TAF2: variants seen among roughly 807,000 people sequenced by gnomAD.
TAF2 encodes transcription initiation factor TFIID subunit 2.
In TAF2, 61 loss-of-function variants were observed where a neutral mutation model predicts 138.5. The observed-to-expected ratio is 0.44, with a 90% CI of 0.36 to 0.54. The LOEUF (loss-of-function observed/expected upper bound fraction) is 0.54. TAF2 is among the 20% of genes least tolerant of loss of function. The pLI is 0.00. For synonymous variants in TAF2, 475 were observed against 469.9 expected, an observed-to-expected ratio of 1.01 and a Z score of -0.14; for missense variants, 1,090 against 1,427.9, an observed-to-expected ratio of 0.76 and a Z score of 3.81.
intron 22 of TAF2, among the ~76,000 whole-genome samples, chr8:119,755,383 G>T (rs1820631857): frequency 6.6e-6 from 1 of 152,242 alleles, no homozygotes; most frequent in East Asian, 1.9e-4. Context: ...TGTAATCCCA[G>T]CTACTCGGGA....
intron 9 of TAF2, among the ~76,000 whole-genome samples, chr8:119,794,253 C>T (rs1823657369): frequency 6.6e-6 from 1 of 151,934 alleles, no homozygotes; most frequent in Admixed American, 6.6e-5. Context: ...AAAAATTAGC[C>T]GGGCGTGATG....
At chr8:119,771,001 G>A (rs887325244) in intron 18 of TAF2, among the ~76,000 whole-genome samples, 1 of 152,064 alleles carries the variant, frequency 6.6e-6, no homozygotes, top group Non-Finnish European at 1.5e-5. Flanking sequence ...AACCTGGGAG[G>A]TGGAGGTTGC....
In TAF2 at chr8:119,820,121, A is replaced by G. The variant is rs1431786734; in HGVS notation, c.139-615T>C. 5.9e-5 allele frequency among the ~76,000 whole-genome samples: 9 copies of G among 152,302 alleles called. No individual in the cohort carries two copies. In the South Asian group the frequency reaches 1.9e-3, roughly 32 times the overall value. Reference sequence around the variant, plus strand: ...CTACCATGTTAGCTGTATGGTAGCAATGTCTCTGTATCCAACACATGAAAA... The same window carrying G: ...CTACCATGTTAGCTGTATGGTAGCAGTGTCTCTGTATCCAACACATGAAAA... On this transcript the variant is annotated intron_variant, in intron 2 of 25. Coordinates refer to ENST00000378164, the MANE Select transcript of TAF2 (RefSeq NM_003184.4).
At chr8:119,807,679 C>T in intron 3 of TAF2, among the ~76,000 whole-genome samples, 1 of 152,216 alleles carries the variant, frequency 6.6e-6, no homozygotes, top group Non-Finnish European at 1.5e-5. Context: ...AATCCCAGCA[C>T]TTTGGGAGTC....
chr8:119,832,492 G>A lies in TAF2; in HGVS notation c.73C>T (p.Pro25Ser), dbSNP rs932501620. The A allele has an allele frequency of 6.2e-7, 1 of 1,613,558 alleles. No homozygotes were observed. Among genetic ancestry groups the A allele is most frequent in the Non-Finnish European group, 8.5e-7 (1 of 1,179,884 alleles). Residue 25 changes from proline (P) to serine (S), a missense_variant, in exon 1 of 26, where the codon CCA (proline) becomes TCA (serine). This residue lies in a region of TAF2 where 504 missense variants were observed against 680.9 expected (regional missense o/e 0.74). Transcript: ENST00000378164. ...KGDKGFESPR[P>S]YKLTHQVVCI... ...TGAAAAAATACTTATAATTTATATG[G>A]CCTTGGGCTTTCAAAGCCCTTGTCT...
At chr8:119,777,961 A>T in intron 18 of TAF2, 58 bp downstream of exon 18, 1 of 907,526 alleles carries the variant, frequency 1.1e-6, no homozygotes, top group South Asian at 1.5e-5. Context: ...TGTAATATTC[A>T]TTAAGAAAAT....
chr8:119,732,185 A>G lies in TAF2; in HGVS notation c.3339T>C (p.Gly1113=). 1 of 1,614,046 alleles carries G rather than the reference A, an allele frequency of 6.2e-7. No homozygotes were observed. ...WSLELARKGT[G]KEQAPLEMSM... is the part of the protein sequence containing the mutation. ...TCATCTCCAAAGGTGCTTGTTCTTT[A>G]CCTTCAAGATTAAAAATACCCAAAT... The change falls in exon 26 of 26, where the codon GGT becomes GGC. Residue 1113 remains glycine (G), a splice_region_variant and synonymous_variant. Coordinates refer to ENST00000378164, the MANE Select transcript of TAF2 (RefSeq NM_003184.4).
intron 25 of TAF2, among the ~76,000 whole-genome samples, chr8:119,737,123 G>A (rs1173978600): frequency 6.6e-6 from 1 of 152,180 alleles, no homozygotes; most frequent in African/African-American, 2.4e-5. Flanking sequence ...CAACTGCAAT[G>A]TGGACCCTAC....
chr8:119,832,450 A>C (rs1412488766), intron 1 of TAF2, 32 bp downstream of exon 1: 7 of 1,607,596 alleles, frequency 4.4e-6, no homozygotes, highest in Non-Finnish European at 6.0e-6. Flanking sequence ...AACAAAACCA[A>C]AAGGAAGGAA....
chr8:119,831,624 T>C (rs1826451085), intron 2 of TAF2, 53 bp downstream of exon 2: 26 of 1,354,300 alleles, frequency 1.9e-5, no homozygotes, highest in Non-Finnish European at 2.6e-5. Context: ...GGGTGGATTG[T>C]TACTCTTTAT....
chr8:119,782,067 G>C (rs1297555342), intron 16 of TAF2, among the ~76,000 whole-genome samples: 1 of 152,176 alleles, frequency 6.6e-6, no homozygotes, highest in African/African-American at 2.4e-5. Context: ...AGAAAAATAT[G>C]TATGCAAAAG....
At chr8:119,768,840 A>G (rs1289237113) in intron 18 of TAF2, among the ~76,000 whole-genome samples, 1 of 152,192 alleles carries the variant, frequency 6.6e-6, no homozygotes, top group Non-Finnish European at 1.5e-5. Flanking sequence ...CTGAGTGAGG[A>G]GTTCCAGCGT....
intron 4 of TAF2, 39 bp from the exon 5 acceptor site, chr8:119,804,058 T>C (rs1397472654): frequency 8.7e-6 from 14 of 1,609,370 alleles, no homozygotes; most frequent in Non-Finnish European, 1.2e-5. Context: ...GATACATAAG[T>C]TACAGTGGTC....
At chr8:119,763,585 C>T (rs1821212849) in intron 18 of TAF2, among the ~76,000 whole-genome samples, 1 of 151,934 alleles carries the variant, frequency 6.6e-6, no homozygotes, top group South Asian at 2.1e-4. Context: ...CAAAAATTAG[C>T]CAGGTGTGGT....
chr8:119,802,723 G>A (rs1259581806), intron 5 of TAF2, among the ~76,000 whole-genome samples: 1 of 152,166 alleles, frequency 6.6e-6, no homozygotes, highest in Non-Finnish European at 1.5e-5. Context: ...AACCAGCCTG[G>A]CCAACATGGT....
chr8:119,791,708 T>A, intron 10 of TAF2: 1 of 407,892 alleles, frequency 2.5e-6, no homozygotes, highest in Admixed American at 3.9e-5. Flanking sequence ...GATACAATAC[T>A]GTAAATACTT....
rs903942093 is a variant in TAF2 at position 119,800,397 on chromosome 8, G to C, written c.792+1397C>G. Among the ~76,000 whole-genome samples, 4 of 152,272 alleles carry C rather than the reference G, an allele frequency of 2.6e-5. No individual in the cohort carries two copies. In the South Asian group the frequency reaches 6.2e-4, roughly 24 times the overall value. On this transcript the variant is annotated intron_variant, in intron 6 of 25. Coordinates refer to ENST00000378164, the MANE Select transcript of TAF2 (RefSeq NM_003184.4). Reference sequence around the variant, plus strand: ...TTTTCCCAGCACCATTTATTAAATAGGGAATCCTTTCCCCATTTCTTGTTT... The same window carrying C: ...TTTTCCCAGCACCATTTATTAAATACGGAATCCTTTCCCCATTTCTTGTTT...
At chr8:119,765,262 T>C (rs1402311974) in intron 18 of TAF2, among the ~76,000 whole-genome samples, 1 of 152,156 alleles carries the variant, frequency 6.6e-6, no homozygotes, top group Admixed American at 6.5e-5. Context: ...AGATGACTTC[T>C]TCAAGACAAG....
At chr8:119,743,874 A>G (rs1819768575) in intron 24 of TAF2, among the ~76,000 whole-genome samples, 1 of 152,186 alleles carries the variant, frequency 6.6e-6, no homozygotes, top group Non-Finnish European at 1.5e-5. Context: ...TGCTTTTTGA[A>G]TGATGTAGGA....
Sources: gnomAD v4.1 joint callset for allele counts (sites outside exome capture counted in the v4.1 genomes callset) on GRCh38, gnomAD v4.1.1 for gene constraint, gnomAD v4.1.1 regional missense constraint, MANE v1.5 for transcripts, NCBI Gene and HGNC (gene_info 2026-07-23, HGNC 2026-07-21) for gene names.